CNTNAP5: variants seen among roughly 807,000 people sequenced by gnomAD.
CNTNAP5 encodes the protein contactin-associated protein-like 5.
Under a neutral mutation model 150.2 loss-of-function variants are expected in CNTNAP5, and 72 were observed. The ratio of observed to expected loss-of-function variants is 0.48; its 90% CI spans 0.40 to 0.58. The LOEUF is 0.58. Ranked by LOEUF, CNTNAP5 falls within the 20% of genes least tolerant of loss-of-function variation. The probability of loss-of-function intolerance (pLI) is 0.00; values close to 1 mark genes in which losing one functional copy is unlikely to be tolerated. For synonymous variants in CNTNAP5, 672 were observed against 619.8 expected, an observed-to-expected ratio of 1.08 and a Z score of -1.25; for missense variants, 1,636 against 1,626.2, an observed-to-expected ratio of 1.01 and a Z score of -0.10.
intron 3 of CNTNAP5, among the ~76,000 whole-genome samples, chr2:124,349,967 C>T (rs1163222717): frequency 4.2e-5 from 6 of 141,254 alleles, no homozygotes. Context: ...TCACTTCAAC[C>T]TCTGCCTCCT....
At chr2:124,182,510 G>A (rs1017874583) in intron 1 of CNTNAP5, among the ~76,000 whole-genome samples, 2 of 152,150 alleles carry the variant, frequency 1.3e-5, no homozygotes, top group African/African-American at 4.8e-5. Flanking sequence ...ATCAAGACGA[G>A]CATGTTGACC....
intron 3 of CNTNAP5, among the ~76,000 whole-genome samples, chr2:124,365,504 T>A (rs958647769): frequency 8.5e-5 from 13 of 152,150 alleles, no homozygotes; most frequent in African/African-American, 3.1e-4. Flanking sequence ...TTCCAAATAC[T>A]TCACAAACTA....
At chr2:124,412,678 T>C (rs895966605) in intron 3 of CNTNAP5, among the ~76,000 whole-genome samples, 24 of 126,210 alleles carry the variant, frequency 1.9e-4, no homozygotes, top group African/African-American at 7.7e-4. Flanking sequence ...GCTAGCCATA[T>C]GTAGAAAGCT....
intron 13 of CNTNAP5, among the ~76,000 whole-genome samples, chr2:124,697,482 G>A (rs929710132): frequency 1.3e-5 from 2 of 151,918 alleles, no homozygotes; most frequent in Non-Finnish European, 2.9e-5. Flanking sequence ...TTAATCCAGT[G>A]TTATCTCTCT....
intron 1 of CNTNAP5, among the ~76,000 whole-genome samples, chr2:124,149,864 A>G (rs1481356046): frequency 6.6e-6 from 1 of 152,222 alleles, no homozygotes; most frequent in East Asian, 1.9e-4. Context: ...ATCCGTGAAC[A>G]GTGCAGAAGC....
intron 1 of CNTNAP5, among the ~76,000 whole-genome samples, chr2:124,044,467 G>C (rs1469822018): frequency 6.6e-6 from 1 of 152,118 alleles, no homozygotes; most frequent in East Asian, 1.9e-4. Context: ...GGGGGAAATT[G>C]TATTCATTTT....
At chr2:124,217,901 A>G (rs1040385403) in intron 1 of CNTNAP5, among the ~76,000 whole-genome samples, 1 of 152,114 alleles carries the variant, frequency 6.6e-6, no homozygotes, top group Non-Finnish European at 1.5e-5. Flanking sequence ...GTGAAAATAA[A>G]ACTTAGTATA....
chr2:124,896,738 C>T (rs150429403), intron 21 of CNTNAP5, among the ~76,000 whole-genome samples: 4,592 of 151,406 alleles, frequency 0.03, 107 homozygotes, highest in Non-Finnish European at 0.046. Context: ...GGGGTTTCAC[C>T]GTGTTGGCCA....
chr2:124,379,319 A>G lies in CNTNAP5; in HGVS notation c.382-38124A>G, dbSNP rs186594097. Among the ~76,000 whole-genome samples the G allele has an allele frequency of 1.2e-4, 18 of 152,054 alleles. No individual in the cohort carries two copies. In the East Asian group the frequency reaches 3.3e-3, roughly 28 times the overall value. ...ATCTGCACTACCCTAAACAGCCTCT[A>G]TGCTCTGGCTATTCATCTCTCCCTC... On this transcript the variant is annotated intron_variant, in intron 3 of 23. Coordinates refer to ENST00000682447, the MANE Select transcript of CNTNAP5 (RefSeq NM_001367498.1).
chr2:124,678,774 A>G (rs1467436365), intron 13 of CNTNAP5, among the ~76,000 whole-genome samples: 2 of 151,810 alleles, frequency 1.3e-5, no homozygotes, highest in Non-Finnish European at 2.9e-5. Flanking sequence ...CCATGCTCAT[A>G]CTTATCTTTA....
chr2:124,146,010 A>G (rs539835117), intron 1 of CNTNAP5, among the ~76,000 whole-genome samples: 2 of 152,192 alleles, frequency 1.3e-5, no homozygotes, highest in African/African-American at 4.8e-5. Flanking sequence ...TTTATTTTAA[A>G]AAGCATTTTG....
intron 3 of CNTNAP5, among the ~76,000 whole-genome samples, chr2:124,357,398 T>G (rs985500364): frequency 6.6e-6 from 1 of 151,988 alleles, no homozygotes; most frequent in Non-Finnish European, 1.5e-5. Flanking sequence ...ATGTCCTGAA[T>G]GGTAATGCCT....
At chr2:124,553,006 G>A (rs1465966782) in intron 10 of CNTNAP5, among the ~76,000 whole-genome samples, 4 of 152,016 alleles carry the variant, frequency 2.6e-5, no homozygotes, top group African/African-American at 7.2e-5. Context: ...TTGTTTTTGT[G>A]CATGTAAAAA....
chr2:124,574,620 A>T (rs1696236743), intron 11 of CNTNAP5, among the ~76,000 whole-genome samples: 1 of 152,220 alleles, frequency 6.6e-6, no homozygotes, highest in Non-Finnish European at 1.5e-5. Flanking sequence ...TAGTTTAATT[A>T]CTTGGGTTTT....
chr2:124,238,866 A>C (rs899836738), intron 2 of CNTNAP5, among the ~76,000 whole-genome samples: 1 of 152,182 alleles, frequency 6.6e-6, no homozygotes, highest in Admixed American at 6.6e-5. Context: ...GTTTGGTGGA[A>C]AGAATGAAAT....
chr2:124,387,665 G>GT (rs1690964966), intron 3 of CNTNAP5, among the ~76,000 whole-genome samples: 1 of 152,158 alleles, frequency 6.6e-6, no homozygotes, highest in South Asian at 2.1e-4. Context: ...ACATTGATCA[G>GT]TTAGGGTGGG....
intron 21 of CNTNAP5, among the ~76,000 whole-genome samples, chr2:124,870,736 G>A (rs1677728300): frequency 6.6e-6 from 1 of 152,104 alleles, no homozygotes; most frequent in African/African-American, 2.4e-5. Flanking sequence ...TACAGTGTGG[G>A]TTCTTTTTGG....
intron 13 of CNTNAP5, among the ~76,000 whole-genome samples, chr2:124,675,225 T>G (rs1678914487): frequency 6.6e-6 from 1 of 152,138 alleles, no homozygotes; most frequent in Non-Finnish European, 1.5e-5. Context: ...AACAATTGAT[T>G]TCTTAAAATT....
At chr2:124,526,379 TAACCAGCTGCTGGGCTTC>T (rs1486055897) in intron 9 of CNTNAP5, among the ~76,000 whole-genome samples, 3 of 152,206 alleles carry the variant, frequency 2.0e-5, no homozygotes. Flanking sequence ...TGTGAGCTGT[TAACCAGCTGCTGGGCTTC>T]AGCCCAGCAG....
Sources: allele counts gnomAD v4.1 joint callset (sites outside exome capture counted in the v4.1 genomes callset), GRCh38; gene constraint gnomAD v4.1.1; transcripts MANE v1.5; gene names NCBI Gene and HGNC (gene_info 2026-07-23, HGNC 2026-07-21).